The following LSM12 variants were observed in gnomAD, a reference collection of about 807,000 sequenced individuals.
LSM12 encodes the protein protein LSM12.
For synonymous variants in LSM12, 74 were observed against 87.3 expected, an observed-to-expected ratio of 0.85 and a Z score of 0.85; for missense variants, 108 against 238.9, an observed-to-expected ratio of 0.45 and a Z score of 3.61.
chr17:44,066,380 C>A, intron 1 of LSM12, 84 bp downstream of exon 1: 1 of 1,479,900 alleles, frequency 6.8e-7, no homozygotes, highest in Non-Finnish European at 9.0e-7. Flanking sequence ...CGGAGAGAGC[C>A]CCAGCCGCCG....
rs1428588803 is a variant in LSM12, at chr17:44,034,601, G to A, written c.*1607C>T. On this transcript the variant is annotated 3_prime_UTR_variant, in exon 5 of 5. Transcript: ENST00000293406. ...ACATACCTTGGATCCTCTCCCCTGG[G>A]GCCTCTGAAGGACGCACAAACCTGA... 1.3e-5 allele frequency: 2 copies of A among 152,222 alleles called. No homozygotes were observed. Among genetic ancestry groups the A allele is most frequent in the Non-Finnish European group, 2.9e-5 (2 of 67,978 alleles). The allele number at this position is 152,222 out of a possible 1,614,324, so 9.4% of individuals were successfully genotyped here. A position where few individuals can be genotyped will look rare whatever the true frequency, so the allele number is the denominator to read the frequency against.
At position 44,036,200 on chromosome 17, in the gene LSM12, G is replaced by A. The variant is rs1209496442; in HGVS notation, c.*8C>T. 1 of 1,610,212 alleles carries A rather than the reference G, an allele frequency of 6.2e-7. No homozygotes were observed. The highest frequency in any genetic ancestry group is 8.5e-7 in the Non-Finnish European group (1 of 1,178,654). ...TGGATGCTGGAAGAGTCCTCCATGT[G>A]TACGGACTCAGGATGACAGGGCAGC... On this transcript the variant is annotated 3_prime_UTR_variant, in exon 5 of 5. Coordinates refer to ENST00000293406, the MANE Select transcript of LSM12 (RefSeq NM_001371445.1).
intron 2 of LSM12, among the ~76,000 whole-genome samples, chr17:44,050,103 A>C (rs137857560): frequency 1.9e-3 from 295 of 151,830 alleles, no homozygotes; most frequent in Non-Finnish European, 3.6e-3. Flanking sequence ...CATTCTTTTT[A>C]TTTTTATTTT....
At chr17:44,061,409 C>G (rs1234572587) in intron 2 of LSM12, among the ~76,000 whole-genome samples, 1 of 151,648 alleles carries the variant, frequency 6.6e-6, no homozygotes, top group Non-Finnish European at 1.5e-5. Flanking sequence ...AGCTCCTATA[C>G]TCTGGTAGAA....
chr17:44,062,221 CAAAAAAAAA>C (rs529081923), intron 2 of LSM12, among the ~76,000 whole-genome samples: 6 of 63,892 alleles, frequency 9.4e-5, no homozygotes, highest in African/African-American at 3.5e-4. Flanking sequence ...GACTCCGTCT[CAAAAAAAAA>C]AAAAAAAAAA....
intron 2 of LSM12, among the ~76,000 whole-genome samples, chr17:44,056,598 CAGA>C (rs2049717821): frequency 1.3e-5 from 2 of 151,082 alleles, no homozygotes; most frequent in East Asian, 2.0e-4. Context: ...GAGGGTGAGG[CAGA>C]AGAACTGCTT....
chr17:44,040,324 T>C (rs1336977222), intron 2 of LSM12, 68 bp from the exon 3 acceptor site: 2 of 1,209,812 alleles, frequency 1.7e-6, no homozygotes, highest in Non-Finnish European at 2.4e-6. Context: ...AGTCAGGACC[T>C]AAGCTGAAGA....
rs1450418837 is a variant in LSM12, at chr17:44,034,818, T to A, written c.*1390A>T. ...AACCCCCACCCCACCCCCAAAGCTC[T>A]AGCCAGTCATGTGAGCATCACCCAC... is the stretch of plus-strand genomic sequence containing the variant. On this transcript the variant is annotated 3_prime_UTR_variant, in exon 5 of 5. Coordinates refer to ENST00000293406, the MANE Select transcript of LSM12 (RefSeq NM_001371445.1). The A allele has an allele frequency of 1.2e-5, 1 of 86,530 alleles. No homozygotes were observed. The highest frequency in any genetic ancestry group is 2.3e-5 in the Non-Finnish European group (1 of 44,360). 5.4% of individuals were successfully genotyped at this position (86,530 alleles called of 1,614,324 possible). A position where few individuals can be genotyped will look rare whatever the true frequency, so the allele number is the denominator to read the frequency against.
intron 2 of LSM12, among the ~76,000 whole-genome samples, chr17:44,057,180 C>A (rs1248306769): frequency 1.4e-5 from 2 of 148,058 alleles, no homozygotes; most frequent in African/African-American, 4.9e-5. Context: ...GACGGAGTCT[C>A]GCTCTGTCTC....
rs545850391 is a variant in LSM12, at chr17:44,034,744, TAAAA to T, written c.*1460_*1463del. On this transcript the variant is annotated 3_prime_UTR_variant, in exon 5 of 5. Transcript: ENST00000293406. Reference sequence around the variant, plus strand: ...ATTTAATTTGATCCATTTATTTAATTAAAAAAAAAAGGAAGGGGAAAGAGATCAT... The same window carrying T: ...ATTTAATTTGATCCATTTATTTAATTAAAAAAGGAAGGGGAAAGAGATCAT... 1 of 120,952 alleles carries T rather than the reference TAAAA, an allele frequency of 8.3e-6. No individual in the cohort carries two copies. The highest frequency in any genetic ancestry group is 8.7e-5 in the Admixed American group (1 of 11,488). 7.5% of individuals were successfully genotyped at this position (120,952 alleles called of 1,614,324 possible).
chr17:44,044,665 A>T (rs148023979), intron 2 of LSM12, among the ~76,000 whole-genome samples: 1 of 152,246 alleles, frequency 6.6e-6, no homozygotes, highest in Non-Finnish European at 1.5e-5. Context: ...GTCCCCATCA[A>T]TGGGGGAGAC....
intron 2 of LSM12, among the ~76,000 whole-genome samples, chr17:44,048,018 A>AC (rs2049592639): frequency 2.2e-5 from 3 of 137,388 alleles, no homozygotes; most frequent in African/African-American, 8.0e-5. Context: ...GTCCGTATTA[A>AC]ACACACACAC....
intron 2 of LSM12, among the ~76,000 whole-genome samples, chr17:44,048,451 T>C (rs1018236483): frequency 1.4e-5 from 2 of 140,240 alleles, no homozygotes; most frequent in African/African-American, 2.7e-5. Context: ...CACTGCACTC[T>C]AGCCTGGGTG....
At chr17:44,048,413 C>T (rs999801123) in intron 2 of LSM12, among the ~76,000 whole-genome samples, 6 of 146,744 alleles carry the variant, frequency 4.1e-5, no homozygotes, top group Non-Finnish European at 4.5e-5. Context: ...ACCCGGGAGG[C>T]GGAGGTTTCA....
chr17:44,064,752 T>G (rs965466359), intron 1 of LSM12, among the ~76,000 whole-genome samples: 2 of 144,812 alleles, frequency 1.4e-5, no homozygotes, highest in Admixed American at 6.9e-5. Flanking sequence ...AAAAAAAAAG[T>G]AATTCCTAGT....
At chr17:44,039,958 G>C (rs943699723) in intron 3 of LSM12, among the ~76,000 whole-genome samples, 189 bp downstream of exon 3, 1 of 152,206 alleles carries the variant, frequency 6.6e-6, no homozygotes, top group African/African-American at 2.4e-5. Context: ...ACTTGTCCGT[G>C]ATTACACTAT....
intron 2 of LSM12, among the ~76,000 whole-genome samples, chr17:44,061,016 CTTT>C (rs944109229): frequency 1.3e-5 from 2 of 152,144 alleles, no homozygotes; most frequent in African/African-American, 4.8e-5. Context: ...CTATTTGGTT[CTTT>C]AATACACTAG....
chr17:44,053,071 C>T (rs1471065541), intron 2 of LSM12, among the ~76,000 whole-genome samples: 2 of 152,062 alleles, frequency 1.3e-5, no homozygotes, highest in East Asian at 3.9e-4. Context: ...TCAGCTTGAT[C>T]CCTTTTCTCT....
intron 2 of LSM12, among the ~76,000 whole-genome samples, chr17:44,045,936 C>CTTTTTTT (rs67446547): frequency 1.6e-5 from 2 of 122,584 alleles, no homozygotes; most frequent in African/African-American, 3.2e-5. Context: ...AAATATTTTA[C>CTTTTTTT]TTTTTTTTTT....
Sources: gnomAD v4.1 joint callset for allele counts (sites outside exome capture counted in the v4.1 genomes callset) on GRCh38, gnomAD v4.1.1 for gene constraint, MANE v1.5 for transcripts, NCBI Gene and HGNC (gene_info 2026-07-23, HGNC 2026-07-21) for gene names.